Variants in ESRP1 observed in about 807,000 individuals in gnomAD.
ESRP1 encodes epithelial splicing regulatory protein 1, also known as RNA-binding motif protein 35A.
In ESRP1, 33 loss-of-function variants were observed where a neutral mutation model predicts 81.7. The ratio of observed to expected loss-of-function variants is 0.40; its 90% CI spans 0.31 to 0.54. ESRP1 has a LOEUF of 0.54. ESRP1 is among the 20% of genes least tolerant of loss of function. The pLI is 0.41. For missense variants in ESRP1, 672 were observed against 833.1 expected (o/e 0.81, Z 2.38); for synonymous variants, 320 against 303.3 (o/e 1.06, Z -0.57).
At chr8:94,676,985 T>C (rs1808670796) in intron 12 of ESRP1, among the ~76,000 whole-genome samples, 1 of 151,946 alleles carries the variant, frequency 6.6e-6, no homozygotes, top group African/African-American at 2.4e-5. Flanking sequence ...AAACCCTGTT[T>C]CTACTAAAAA....
chr8:94,651,530 T>C (rs1586179818), intron 4 of ESRP1, among the ~76,000 whole-genome samples: 1 of 152,214 alleles, frequency 6.6e-6, no homozygotes, highest in Non-Finnish European at 1.5e-5. Context: ...AACTTTAATC[T>C]TGAGTATTCC....
intron 1 of ESRP1, 154 bp from the exon 2 acceptor site, chr8:94,641,802 A>T: frequency 8.3e-7 from 1 of 1,210,096 alleles, no homozygotes; most frequent in Non-Finnish European, 1.1e-6. Flanking sequence ...GGGGGGCAGG[A>T]ACGCACCGGA....
intron 13 of ESRP1, among the ~76,000 whole-genome samples, chr8:94,682,848 A>G (rs1280886543): frequency 7.0e-6 from 1 of 142,654 alleles, no homozygotes; most frequent in African/African-American, 2.6e-5. Flanking sequence ...TAATGAATGA[A>G]TATATATATG....
chr8:94,671,737 T>C, intron 11 of ESRP1, 66 bp downstream of exon 11: 1 of 1,001,552 alleles, frequency 1.0e-6, no homozygotes, highest in Admixed American at 2.6e-5. Context: ...ATATCTAATA[T>C]TAGATATTAG....
intron 4 of ESRP1, among the ~76,000 whole-genome samples, chr8:94,659,295 T>G (rs374398179): frequency 6.6e-6 from 1 of 152,230 alleles, no homozygotes; most frequent in African/African-American, 2.4e-5. Context: ...CTCTGTCACC[T>G]TTCAAACTTT....
At chr8:94,666,792 T>A (rs973263222) in intron 9 of ESRP1, among the ~76,000 whole-genome samples, 1 of 109,892 alleles carries the variant, frequency 9.1e-6, no homozygotes, top group Non-Finnish European at 2.4e-5. Context: ...TTGGGGTTGC[T>A]GTGGTTTTAC....
At chr8:94,693,887 T>G (rs1809497441) in intron 14 of ESRP1, among the ~76,000 whole-genome samples, 1 of 152,126 alleles carries the variant, frequency 6.6e-6, no homozygotes, top group Admixed American at 6.5e-5. Context: ...TCAGGGGCTT[T>G]TAAACATATG....
At chr8:94,667,538 C>A (rs1238332336) in intron 9 of ESRP1, among the ~76,000 whole-genome samples, 1 of 151,824 alleles carries the variant, frequency 6.6e-6, no homozygotes, top group African/African-American at 2.4e-5. Flanking sequence ...ATATCTATTA[C>A]CCTACTTAAT....
chr8:94,642,351 A>G (rs954231361), intron 2 of ESRP1, among the ~76,000 whole-genome samples: 4 of 152,344 alleles, frequency 2.6e-5, no homozygotes, highest in African/African-American at 4.8e-5. Flanking sequence ...CCGGAGAGTC[A>G]GCTCCATTTT....
Position 94,706,123 on chromosome 8 carries a change from C to G in ESRP1, c.*234C>G. ...ATCGTAACTTACAGCAAGCAGCATG[C>G]AGCATACCTGGCTCTTTGCTGATTG... is the stretch of plus-strand genomic sequence containing the variant. On this transcript the variant is annotated 3_prime_UTR_variant, in exon 16 of 16. Transcript: ENST00000433389. The G allele has an allele frequency of 1.7e-6, 1 of 584,846 alleles. No individual in the cohort carries two copies. Among genetic ancestry groups the G allele is most frequent in the Non-Finnish European group, 3.0e-6 (1 of 338,332 alleles). The allele number at this position is 584,846 out of a possible 1,614,324, so 36.2% of individuals were successfully genotyped here.
At chr8:94,676,218 G>C (rs913971761) in intron 12 of ESRP1, among the ~76,000 whole-genome samples, 5 of 151,944 alleles carry the variant, frequency 3.3e-5, no homozygotes, top group Non-Finnish European at 7.4e-5. Flanking sequence ...AAAAATTGCC[G>C]GGAGTGGTGG....
intron 4 of ESRP1, among the ~76,000 whole-genome samples, chr8:94,648,523 A>G (rs574792563): frequency 2.0e-5 from 3 of 152,340 alleles, no homozygotes; most frequent in African/African-American, 7.2e-5. Flanking sequence ...GTATTTCTAC[A>G]ATGTCTGAAT....
chr8:94,673,860 G>C (rs1442091981), intron 11 of ESRP1, among the ~76,000 whole-genome samples: 1 of 152,098 alleles, frequency 6.6e-6, no homozygotes, highest in Non-Finnish European at 1.5e-5. Flanking sequence ...CTGGAACTGA[G>C]AGCCAAAAAA....
chr8:94,660,842 T>C (rs1371766493), intron 4 of ESRP1, among the ~76,000 whole-genome samples: 2 of 151,754 alleles, frequency 1.3e-5, no homozygotes, highest in African/African-American at 4.8e-5. Flanking sequence ...TACCGAATCT[T>C]TGATGAAAGG....
intron 14 of ESRP1, 24 bp downstream of exon 14, chr8:94,692,851 T>A (rs1375611897): frequency 6.2e-7 from 1 of 1,607,746 alleles, no homozygotes; most frequent in South Asian, 1.1e-5. Flanking sequence ...AGGAGAATAA[T>A]CCTCAGTGCC....
intron 12 of ESRP1, among the ~76,000 whole-genome samples, chr8:94,677,004 A>G (rs1808672504): frequency 6.6e-6 from 1 of 152,062 alleles, no homozygotes; most frequent in Admixed American, 6.5e-5. Context: ...AAAAAATTCA[A>G]GAAATCAGAA....
intron 14 of ESRP1, among the ~76,000 whole-genome samples, chr8:94,695,417 C>CAAT (rs1236557091): frequency 1.7e-5 from 2 of 119,196 alleles, no homozygotes; most frequent in Admixed American, 2.4e-4. Context: ...TGCAGTGGCG[C>CAAT]AATCTCGGCT....
chr8:94,699,415 C>A (rs137909211), intron 15 of ESRP1, among the ~76,000 whole-genome samples: 1 of 151,856 alleles, frequency 6.6e-6, no homozygotes, highest in Non-Finnish European at 1.5e-5. Context: ...CTCAGGTGGG[C>A]AGATCACTTA....
intron 13 of ESRP1, among the ~76,000 whole-genome samples, chr8:94,687,265 A>G (rs1052073144): frequency 2.0e-5 from 3 of 152,172 alleles, no homozygotes; most frequent in Non-Finnish European, 4.4e-5. Flanking sequence ...ATTGTGACAT[A>G]TATCATCCCT....
Sources: allele counts gnomAD v4.1 joint callset (sites outside exome capture counted in the v4.1 genomes callset), GRCh38; gene constraint gnomAD v4.1.1; transcripts MANE v1.5; gene names NCBI Gene and HGNC (gene_info 2026-07-23, HGNC 2026-07-21).